Variants in NSUN6 observed in about 807,000 individuals in gnomAD.
NSUN6 encodes tRNA (cytosine(72)-C(5))-methyltransferase NSUN6.
Under a neutral mutation model 58.0 loss-of-function variants are expected in NSUN6, and 64 were observed. That is an observed-to-expected ratio of 1.10 (90% CI 0.90 to 1.36). NSUN6 has a LOEUF of 1.36. Among genes scored for constraint, NSUN6 ranks in the 40% most tolerant of loss-of-function variants. The pLI is 0.00. For missense variants in NSUN6, 701 were observed against 550.1 expected (o/e 1.27, Z -2.74); for synonymous variants, 231 against 193.9 (o/e 1.19, Z -1.59).
chr10:18,556,860 G>A (rs994833407), intron 8 of NSUN6, among the ~76,000 whole-genome samples: 2 of 146,396 alleles, frequency 1.4e-5, no homozygotes, highest in Admixed American at 6.9e-5. Context: ...AATGGAGGAA[G>A]GAAGGGAATG....
At chr10:18,624,650 A>G in intron 3 of NSUN6, among the ~76,000 whole-genome samples, 1 of 150,870 alleles carries the variant, frequency 6.6e-6, no homozygotes, top group Admixed American at 6.6e-5. Context: ...TCTGTCTCAA[A>G]AAAAAAAAAA....
rs556388488 is a variant in NSUN6, at chr10:18,627,805, C to T, written c.312-11512G>A. ...GCTAACGCAGCAGTCTGAGATCAAA[C>T]TGTAAGGCGGCAGCCAGGCTGGGGG... is the stretch of plus-strand genomic sequence containing the variant. On this transcript the variant is annotated intron_variant, in intron 3 of 10. Coordinates refer to ENST00000377304, the MANE Select transcript of NSUN6 (RefSeq NM_182543.5). Among the ~76,000 whole-genome samples the T allele has an allele frequency of 8.2e-4, 125 of 152,354 alleles. 2 individuals are homozygous for T. Among genetic ancestry groups the T allele is most frequent in the African/African-American group, 2.8e-3 (117 of 41,590 alleles).
chr10:18,563,578 CTTCCATTCCATTCTCCATTCCA>C (rs2055702629), intron 8 of NSUN6, among the ~76,000 whole-genome samples: 1 of 150,336 alleles, frequency 6.7e-6, no homozygotes, highest in African/African-American at 2.4e-5. Context: ...TCTCCCTTCC[CTTCCATTCCATTCTCCATTCCA>C]TTCCATTGCT....
intron 7 of NSUN6, among the ~76,000 whole-genome samples, chr10:18,591,061 A>C (rs2057359945): frequency 6.6e-6 from 1 of 152,208 alleles, no homozygotes; most frequent in South Asian, 2.1e-4. Context: ...GGATGTCACC[A>C]CTGATCCCAA....
intron 8 of NSUN6, among the ~76,000 whole-genome samples, chr10:18,575,572 T>C (rs990457568): frequency 6.6e-6 from 1 of 152,166 alleles, no homozygotes. Context: ...AGACATTAGA[T>C]GGCAATACCA....
intron 3 of NSUN6, among the ~76,000 whole-genome samples, chr10:18,619,898 T>C (rs989880000): frequency 1.3e-5 from 2 of 152,152 alleles, no homozygotes; most frequent in Non-Finnish European, 2.9e-5. Flanking sequence ...GTATCACACA[T>C]AACATTTCAT....
intron 8 of NSUN6, among the ~76,000 whole-genome samples, chr10:18,573,713 C>T (rs527780506): frequency 3.3e-5 from 5 of 152,046 alleles, no homozygotes; most frequent in East Asian, 1.9e-4. Flanking sequence ...AGGGTTGCTA[C>T]GAGTCTCAAA....
In NSUN6 at chr10:18,572,967, CCATTT is replaced by C. The variant is rs532978397; in HGVS notation, c.922+12977_922+12981del. 2.0e-5 allele frequency among the ~76,000 whole-genome samples: 3 copies of C among 151,618 alleles called. No individual in the cohort carries two copies. The South Asian group carries it at 6.3e-4, about 32-fold the overall frequency. On this transcript the variant is annotated intron_variant, in intron 8 of 10. Transcript: ENST00000377304. ...TCTCCATTCCATTCCATTCTCCATT[CCATTT>C]CATTCTCCATTCCTTTCTCTATTCC...
intron 7 of NSUN6, among the ~76,000 whole-genome samples, chr10:18,595,080 A>T (rs1206188397): frequency 6.6e-6 from 1 of 152,170 alleles, no homozygotes; most frequent in Non-Finnish European, 1.5e-5. Flanking sequence ...ATCTCAGCTG[A>T]GGCCACTTTA....
chr10:18,564,731 C>A (rs1412250841), intron 8 of NSUN6, among the ~76,000 whole-genome samples: 2 of 150,918 alleles, frequency 1.3e-5, no homozygotes, highest in African/African-American at 2.4e-5. Flanking sequence ...CCTTTCCATT[C>A]CCTTCCAGTC....
intron 4 of NSUN6, 122 bp downstream of exon 4, chr10:18,616,062 G>A: frequency 1.6e-6 from 1 of 624,400 alleles, no homozygotes; most frequent in Non-Finnish European, 2.8e-6. Context: ...ATGCAAAGCT[G>A]GAAAAATACC....
At chr10:18,617,184 AG>A (rs1167472433) in intron 3 of NSUN6, among the ~76,000 whole-genome samples, 4 of 131,730 alleles carry the variant, frequency 3.0e-5, no homozygotes, top group Non-Finnish European at 6.6e-5. Context: ...TAGCCTTTCT[AG>A]TTTTTTTTTT....
At chr10:18,613,601 T>C (rs1049746041) in intron 5 of NSUN6, among the ~76,000 whole-genome samples, 2 of 152,164 alleles carry the variant, frequency 1.3e-5, no homozygotes, top group African/African-American at 4.8e-5. Context: ...ACACAGCAGA[T>C]ATATGCACAT....
At chr10:18,560,678 G>C (rs565870271) in intron 8 of NSUN6, among the ~76,000 whole-genome samples, 32 of 151,094 alleles carry the variant, frequency 2.1e-4, no homozygotes, top group Admixed American at 6.6e-4. Context: ...GAATGGAATG[G>C]AGAATGGAAT....
intron 9 of NSUN6, among the ~76,000 whole-genome samples, chr10:18,551,282 G>GTC (rs1231591470): frequency 6.8e-6 from 1 of 147,732 alleles, no homozygotes; most frequent in Non-Finnish European, 1.5e-5. Flanking sequence ...GTGTGTGTGT[G>GTC]TGTGTGTGTG....
chr10:18,546,653 T>A (rs1214845300), intron 10 of NSUN6, among the ~76,000 whole-genome samples: 6 of 151,988 alleles, frequency 3.9e-5, no homozygotes, highest in Non-Finnish European at 5.9e-5. Flanking sequence ...CGAGGCGGGC[T>A]GATTACCTGA....
chr10:18,583,107 A>G (rs559007116), intron 8 of NSUN6, among the ~76,000 whole-genome samples: 25 of 152,304 alleles, frequency 1.6e-4, no homozygotes, highest in Middle Eastern at 3.4e-3. Flanking sequence ...AACTAAAATT[A>G]TAATATTTTA....
At chr10:18,594,457 G>GT (rs1421522351) in intron 7 of NSUN6, among the ~76,000 whole-genome samples, 85 of 146,544 alleles carry the variant, frequency 5.8e-4, no homozygotes, top group East Asian at 2.5e-3. Flanking sequence ...GTTGTTTTTT[G>GT]TTTTTTTTTG....
At chr10:18,561,537 T>A (rs1360909851) in intron 8 of NSUN6, among the ~76,000 whole-genome samples, 1 of 117,194 alleles carries the variant, frequency 8.5e-6, no homozygotes, top group East Asian at 3.1e-4. Context: ...CAGTGATAAA[T>A]AGGCTAGAAG....
Sources: allele counts gnomAD v4.1 joint callset (sites outside exome capture counted in the v4.1 genomes callset), GRCh38; gene constraint gnomAD v4.1.1; transcripts MANE v1.5; gene names NCBI Gene and HGNC (gene_info 2026-07-23, HGNC 2026-07-21).